SLC24A2: variants seen among roughly 807,000 people sequenced by gnomAD.
The protein encoded by SLC24A2 is sodium/potassium/calcium exchanger 2.
Under a neutral mutation model 62.0 loss-of-function variants are expected in SLC24A2, and 36 were observed. The observed-to-expected ratio is 0.58, with a 90% CI of 0.44 to 0.77. SLC24A2 has a LOEUF of 0.77. Among genes scored for constraint, SLC24A2 ranks in the 30% least tolerant of loss-of-function variants. SLC24A2 has a pLI of 0.00. For missense variants in SLC24A2, 846 were observed against 817.9 expected, an observed-to-expected ratio of 1.03 and a Z score of -0.42; for synonymous variants, 358 against 294.0, an observed-to-expected ratio of 1.22 and a Z score of -2.23.
At chr9:20,235,894 T>A in the SLC24A2 span, among the ~76,000 whole-genome samples, 3 of 150,740 alleles carry the variant, frequency 2.0e-5, no homozygotes, top group Admixed American at 6.6e-5. Context: ...TTTCTTTTTT[T>A]AAAATTAATG....
the SLC24A2 span, among the ~76,000 whole-genome samples, chr9:20,055,671 T>C: frequency 4.8e-4 from 73 of 152,274 alleles, no homozygotes; most frequent in South Asian, 8.3e-4. Context: ...GAGGATTGCC[T>C]GAGCTCAGGA....
At chr9:19,560,462 CTGTCTCTA>C (rs1418687357) in intron 7 of SLC24A2, among the ~76,000 whole-genome samples, 1 of 152,162 alleles carries the variant, frequency 6.6e-6, no homozygotes, top group Non-Finnish European at 1.5e-5. Context: ...TGCTCTCTCT[CTGTCTCTA>C]TGTCCCCCTC....
the SLC24A2 span, among the ~76,000 whole-genome samples, chr9:19,948,844 CAAAAAAAAAAA>C: frequency 2.8e-5 from 2 of 71,752 alleles, no homozygotes; most frequent in African/African-American, 1.0e-4. Flanking sequence ...GACTCCGTCT[CAAAAAAAAAAA>C]AAAAAAAAAA....
intron 2 of SLC24A2, among the ~76,000 whole-genome samples, chr9:19,726,623 A>T (rs548105689): frequency 6.6e-6 from 1 of 152,284 alleles, no homozygotes; most frequent in Admixed American, 6.5e-5. Context: ...TGATTATCAA[A>T]TTCCTGTTGG....
At chr9:19,548,382 C>T (rs888608466) in intron 8 of SLC24A2, among the ~76,000 whole-genome samples, 1 of 152,130 alleles carries the variant, frequency 6.6e-6, no homozygotes, top group African/African-American at 2.4e-5. Flanking sequence ...AGGAAATGAC[C>T]AGGTATAAAT....
At chr9:20,263,841 C>G in the SLC24A2 span, among the ~76,000 whole-genome samples, 1 of 139,288 alleles carries the variant, frequency 7.2e-6, no homozygotes, top group Admixed American at 7.3e-5. Context: ...CTCCCTTGTG[C>G]CCTCCTGGAT....
the SLC24A2 span, among the ~76,000 whole-genome samples, chr9:20,145,050 T>C: frequency 6.6e-6 from 1 of 152,138 alleles, no homozygotes; most frequent in East Asian, 1.9e-4. Context: ...TATCAAGTAA[T>C]TGTTACAGGC....
chr9:20,094,092 G>C, the SLC24A2 span, among the ~76,000 whole-genome samples: 1 of 152,170 alleles, frequency 6.6e-6, no homozygotes, highest in South Asian at 2.1e-4. Context: ...TATTTGGACT[G>C]ATAGTCCGAA....
intron 2 of SLC24A2, among the ~76,000 whole-genome samples, chr9:19,685,205 G>C (rs1426254776): frequency 6.6e-6 from 1 of 152,084 alleles, no homozygotes. Context: ...GCTAACCAGA[G>C]AGGTGAAAGA....
the SLC24A2 span, chr9:19,929,207 A>T: frequency 6.6e-6 from 1 of 152,184 alleles, no homozygotes; most frequent in African/African-American, 2.4e-5. Context: ...CAAATTCCTC[A>T]GCCCAAGACT....
At chr9:20,008,690 G>T in the SLC24A2 span, among the ~76,000 whole-genome samples, 2 of 152,092 alleles carry the variant, frequency 1.3e-5, no homozygotes, top group African/African-American at 4.8e-5. Flanking sequence ...AGAGACTCTA[G>T]GAAAGAAGCA....
chr9:19,871,735 T>C, the SLC24A2 span, among the ~76,000 whole-genome samples: 3 of 152,354 alleles, frequency 2.0e-5, no homozygotes, highest in Middle Eastern at 3.4e-3. Context: ...TATTTATCTA[T>C]ACTTGTGTTT....
chr9:20,070,773 T>C, the SLC24A2 span, among the ~76,000 whole-genome samples: 24 of 152,282 alleles, frequency 1.6e-4, no homozygotes, highest in South Asian at 1.2e-3. Context: ...CAGAACAAGA[T>C]TGATTAGCCC....
the SLC24A2 span, among the ~76,000 whole-genome samples, chr9:20,305,579 A>G: frequency 3.3e-5 from 5 of 152,206 alleles, no homozygotes; most frequent in African/African-American, 9.6e-5. Context: ...CTGATCTCTA[A>G]GTAAATAAAA....
At chr9:19,610,023 A>G (rs1235572946) in intron 4 of SLC24A2, among the ~76,000 whole-genome samples, 2 of 152,130 alleles carry the variant, frequency 1.3e-5, no homozygotes, top group Non-Finnish European at 2.9e-5. Context: ...TGGACCATGA[A>G]CTGGTACCAG....
chr9:19,691,878 T>G (rs1432671773), intron 2 of SLC24A2, among the ~76,000 whole-genome samples: 2 of 152,088 alleles, frequency 1.3e-5, no homozygotes, highest in Non-Finnish European at 2.9e-5. Flanking sequence ...GATATCAGTT[T>G]CATCACTGCT....
At chr9:19,900,245 A>C in the SLC24A2 span, among the ~76,000 whole-genome samples, 3 of 152,190 alleles carry the variant, frequency 2.0e-5, no homozygotes, top group Non-Finnish European at 2.9e-5. Context: ...GTGTGTGATA[A>C]ATGGCATTTT....
the SLC24A2 span, among the ~76,000 whole-genome samples, chr9:20,285,167 C>T: frequency 6.6e-6 from 1 of 152,204 alleles, no homozygotes. Flanking sequence ...CTGTTACCGA[C>T]TGAATCATGC....
chr9:20,291,531 C>G, the SLC24A2 span, among the ~76,000 whole-genome samples: 1 of 152,078 alleles, frequency 6.6e-6, no homozygotes, highest in Non-Finnish European at 1.5e-5. Context: ...TGGCAGACAC[C>G]TTATAAATGG....
Sources: allele counts gnomAD v4.1 joint callset (sites outside exome capture counted in the v4.1 genomes callset), GRCh38; gene constraint gnomAD v4.1.1; transcripts MANE v1.5; gene names NCBI Gene and HGNC (gene_info 2026-07-23, HGNC 2026-07-21).